The following RNF111 variants were observed in gnomAD, a reference collection of about 807,000 sequenced individuals.
RNF111 encodes ring finger protein 111, also known as E3 ubiquitin-protein ligase Arkadia.
A neutral mutation model predicts 95.1 loss-of-function variants in RNF111; 17 were observed. That is an observed-to-expected ratio of 0.18 (90% CI 0.12 to 0.27). RNF111 has a LOEUF of 0.27. Ranked by LOEUF, RNF111 falls within the 10% of genes least tolerant of loss-of-function variation. The pLI is 1.00. For missense variants in RNF111, 1,189 were observed against 1,210.4 expected (o/e 0.98, Z 0.26); for synonymous variants, 440 against 414.8 (o/e 1.06, Z -0.74).
chr15:59,036,141 T>C (rs1160754110), intron 2 of RNF111, among the ~76,000 whole-genome samples: 2 of 152,126 alleles, frequency 1.3e-5, no homozygotes, highest in Non-Finnish European at 2.9e-5. Context: ...AGTGGTGTGA[T>C]CTTGGCTCAC....
intron 1 of RNF111, among the ~76,000 whole-genome samples, chr15:58,993,635 C>T (rs1342988743): frequency 6.6e-6 from 1 of 152,138 alleles, no homozygotes; most frequent in African/African-American, 2.4e-5. Context: ...TGTAAATGTT[C>T]AGTATTTATT....
intron 1 of RNF111, among the ~76,000 whole-genome samples, chr15:59,001,098 G>A (rs927656455): frequency 1.3e-5 from 2 of 152,160 alleles, no homozygotes; most frequent in African/African-American, 4.8e-5. Context: ...GAACACAGAT[G>A]TAAAGGAAGT....
At chr15:59,086,960 A>G (rs1433445082) in intron 10 of RNF111, among the ~76,000 whole-genome samples, 1 of 152,218 alleles carries the variant, frequency 6.6e-6, no homozygotes, top group Non-Finnish European at 1.5e-5. Context: ...TAGAAGAGGT[A>G]AATATTGATG....
chr15:59,034,085 T>C (rs995709902), intron 2 of RNF111, among the ~76,000 whole-genome samples: 1 of 152,236 alleles, frequency 6.6e-6, no homozygotes, highest in Non-Finnish European at 1.5e-5. Context: ...AGTAGTTTCT[T>C]ATCTCCTTCA....
At chr15:59,016,784 T>A (rs1359166845) in intron 1 of RNF111, among the ~76,000 whole-genome samples, 1 of 152,120 alleles carries the variant, frequency 6.6e-6, no homozygotes, top group Non-Finnish European at 1.5e-5. Context: ...TACCAGTAGG[T>A]GAGTGGTGGA....
At chr15:59,062,051 CTTTTTTTTTTT>C (rs71119429) in intron 5 of RNF111, among the ~76,000 whole-genome samples, 1 of 122,280 alleles carries the variant, frequency 8.2e-6, no homozygotes, top group Non-Finnish European at 1.7e-5. Flanking sequence ...TTTTAAACTT[CTTTTTTTTTTT>C]TTTTTTTTCC....
chr15:58,997,327 G>T (rs1295467952), intron 1 of RNF111, among the ~76,000 whole-genome samples: 1 of 152,052 alleles, frequency 6.6e-6, no homozygotes, highest in African/African-American at 2.4e-5. Flanking sequence ...AGGTCTACCA[G>T]GTTGAAACTA....
At chr15:59,035,007 G>T (rs143319413) in intron 2 of RNF111, among the ~76,000 whole-genome samples, 1 of 152,164 alleles carries the variant, frequency 6.6e-6, no homozygotes, top group Non-Finnish European at 1.5e-5. Context: ...GTTCCACATG[G>T]CTGGGGAGGC....
rs565075874 is a variant in RNF111, at chr15:59,013,133, TC to T, written c.-19-17669del. The stretch of plus-strand genomic sequence containing the variant: ...TAAGCTCCATAGTCACTCATTTCTC[TC>T]CTGCCTTTCCTAGGGATCAGGGGAA... On this transcript the variant is annotated intron_variant, in intron 1 of 13. Transcript: ENST00000348370. 4.4e-4 allele frequency among the ~76,000 whole-genome samples: 67 copies of T among 152,316 alleles called. No homozygotes were observed. The Middle Eastern group carries it at 0.024, about 54-fold the overall frequency.
chr15:59,036,096 A>G (rs2041163389), intron 2 of RNF111, among the ~76,000 whole-genome samples: 1 of 151,846 alleles, frequency 6.6e-6, no homozygotes, highest in South Asian at 2.1e-4. Flanking sequence ...TTTTTTTGAG[A>G]CAGTCTTACT....
intron 1 of RNF111, among the ~76,000 whole-genome samples, chr15:58,998,398 C>T (rs2039177656): frequency 6.6e-6 from 1 of 152,134 alleles, no homozygotes; most frequent in African/African-American, 2.4e-5. Context: ...TCTCCCTCCT[C>T]CCACCCTCCA....
intron 1 of RNF111, among the ~76,000 whole-genome samples, chr15:59,002,570 A>G (rs905721381): frequency 2.0e-5 from 3 of 151,112 alleles, no homozygotes; most frequent in Admixed American, 6.6e-5. Flanking sequence ...AAAAAAAAAG[A>G]GAGAGAGTGA....
At chr15:59,091,190 C>A in intron 12 of RNF111, 36 bp downstream of exon 12, 2 of 1,223,088 alleles carry the variant, frequency 1.6e-6, no homozygotes, top group Admixed American at 1.8e-5. Context: ...TGGAGTGTTA[C>A]TGAAAGGCAT....
chr15:59,024,023 C>G (rs534884760), intron 1 of RNF111, among the ~76,000 whole-genome samples: 1 of 152,068 alleles, frequency 6.6e-6, no homozygotes, highest in Non-Finnish European at 1.5e-5. Context: ...TCTTTTGGCT[C>G]CCTGCTGTTC....
chr15:59,038,125 G>T (rs2041273147), intron 2 of RNF111, among the ~76,000 whole-genome samples: 1 of 152,110 alleles, frequency 6.6e-6, no homozygotes. Context: ...AACCATCGTA[G>T]ACCTTGATGT....
intron 1 of RNF111, among the ~76,000 whole-genome samples, chr15:58,989,319 C>T (rs1328675530): frequency 6.6e-6 from 1 of 152,146 alleles, no homozygotes; most frequent in East Asian, 1.9e-4. Context: ...TTTCTAAAGC[C>T]TTGATTTATC....
chr15:59,030,316 CATT>C (rs1295169821), intron 1 of RNF111, among the ~76,000 whole-genome samples: 7 of 152,206 alleles, frequency 4.6e-5, no homozygotes, highest in African/African-American at 1.7e-4. Context: ...TTCATTAGCT[CATT>C]ATTAATAATA....
intron 2 of RNF111, among the ~76,000 whole-genome samples, chr15:59,042,135 C>G (rs555852242): frequency 6.7e-6 from 1 of 150,154 alleles, no homozygotes; most frequent in East Asian, 1.9e-4. Context: ...ATTTTTTTTT[C>G]TTTTTTTGAG....
chr15:59,050,513 CTA>C (rs2041932191), intron 2 of RNF111: 1 of 152,128 alleles, frequency 6.6e-6, no homozygotes, highest in Admixed American at 6.5e-5. Flanking sequence ...ACACTAGACT[CTA>C]TATCAAAGGG....
Sources: gnomAD v4.1 joint callset for allele counts (sites outside exome capture counted in the v4.1 genomes callset) on GRCh38, gnomAD v4.1.1 for gene constraint, MANE v1.5 for transcripts, NCBI Gene and HGNC (gene_info 2026-07-23, HGNC 2026-07-21) for gene names.